GABRR3: variants seen among roughly 807,000 people sequenced by gnomAD.
GABRR3 encodes the protein gamma-aminobutyric acid receptor subunit rho-3.
Under a neutral mutation model 43.2 loss-of-function variants are expected in GABRR3, and 29 were observed. The observed-to-expected ratio is 0.67, with a 90% CI of 0.50 to 0.92. The LOEUF is 0.92. GABRR3 is among the 40% of genes least tolerant of loss of function. GABRR3 has a pLI of 0.00. For synonymous variants in GABRR3, 206 were observed against 195.9 expected, an observed-to-expected ratio of 1.05 and a Z score of -0.43; for missense variants, 576 against 572.3, an observed-to-expected ratio of 1.01 and a Z score of -0.07.
At chr3:98,008,017 G>A in intron 6 of GABRR3, 113 bp from the exon 7 acceptor site, 1 of 793,040 alleles carries the variant, frequency 1.3e-6, no homozygotes, top group Non-Finnish European at 1.9e-6. Context: ...CCAATGACAT[G>A]TACATATTAG....
intron 9 of GABRR3, among the ~76,000 whole-genome samples, chr3:97,987,781 A>AT (rs1364323503): frequency 6.6e-6 from 1 of 151,910 alleles, no homozygotes; most frequent in Non-Finnish European, 1.5e-5. Flanking sequence ...ATTTATCATT[A>AT]TTTTTTATTT....
At chr3:98,034,203 T>C (rs968610471) in intron 2 of GABRR3, among the ~76,000 whole-genome samples, 1 of 152,138 alleles carries the variant, frequency 6.6e-6, no homozygotes, top group African/African-American at 2.4e-5. Flanking sequence ...CCAGTATGCC[T>C]GGGGCTGAAG....
intron 7 of GABRR3, among the ~76,000 whole-genome samples, chr3:98,005,624 A>G (rs1294024412): frequency 6.6e-6 from 1 of 152,178 alleles, no homozygotes; most frequent in African/African-American, 2.4e-5. Flanking sequence ...CTAGTGTTGT[A>G]GCTGCCTGGT....
At chr3:97,990,466 A>G (rs995962000) in intron 9 of GABRR3, among the ~76,000 whole-genome samples, 4 of 151,756 alleles carry the variant, frequency 2.6e-5, no homozygotes, top group Non-Finnish European at 1.5e-5. Flanking sequence ...CTCCTGCTTG[A>G]GCCTCCTGAG....
At chr3:98,031,042 G>T (rs748187041) in intron 2 of GABRR3, among the ~76,000 whole-genome samples, 3 of 152,138 alleles carry the variant, frequency 2.0e-5, no homozygotes, top group Non-Finnish European at 2.9e-5. Flanking sequence ...TAGAGAAAAC[G>T]TGGTACATCA....
rs776966566 is a variant in GABRR3, at chr3:98,012,573, C to A, written c.307-6G>T. 5.0e-6 allele frequency: 8 copies of A among 1,594,588 alleles called. No homozygotes were observed. The highest frequency in any genetic ancestry group is 1.7e-5 in the Admixed American group (1 of 57,344). ...TAAAAAGTCATTGTAAAGTCCTAGA[C>A]AGAGAGAAAAAGAGACCAAAAAAAC... On this transcript the variant is annotated splice_polypyrimidine_tract_variant and splice_region_variant and intron_variant, in intron 4 of 9. Transcript: ENST00000621172.
At chr3:98,018,747 G>A (rs1423960045) in intron 3 of GABRR3, among the ~76,000 whole-genome samples, 6 of 152,228 alleles carry the variant, frequency 3.9e-5, no homozygotes, top group Admixed American at 3.3e-4. Context: ...TTTAAAAAAT[G>A]TTTTCAATTA....
intron 2 of GABRR3, among the ~76,000 whole-genome samples, chr3:98,033,377 C>A (rs573429022): frequency 6.6e-6 from 1 of 152,196 alleles, no homozygotes; most frequent in South Asian, 2.1e-4. Context: ...TCTTCTTTTC[C>A]TTTACATAGG....
At chr3:98,014,187 T>C (rs1443220643) in intron 4 of GABRR3, among the ~76,000 whole-genome samples, 1 of 152,204 alleles carries the variant, frequency 6.6e-6, no homozygotes, top group Non-Finnish European at 1.5e-5. Context: ...CTAGCACAGC[T>C]AACCTTATTC....
chr3:98,010,612 G>A (rs1706777569), intron 5 of GABRR3, among the ~76,000 whole-genome samples: 1 of 152,226 alleles, frequency 6.6e-6, no homozygotes, highest in Non-Finnish European at 1.5e-5. Flanking sequence ...CCCTGCAAGA[G>A]CCTGGCTAGG....
chr3:98,001,315 G>GAGAT (rs1706637300), intron 8 of GABRR3: 2 of 313,816 alleles, frequency 6.4e-6, no homozygotes, highest in African/African-American at 4.2e-5. Flanking sequence ...AAAAAGAAAA[G>GAGAT]AGATAAGCTT....
chr3:98,001,866 G>A, intron 7 of GABRR3, 99 bp from the exon 8 acceptor site: 1 of 1,330,680 alleles, frequency 7.5e-7, no homozygotes, highest in Non-Finnish European at 1.0e-6. Flanking sequence ...AGCTCTTGGG[G>A]ACACGGAATT....
chr3:98,001,302 T>G, intron 8 of GABRR3: 1 of 279,130 alleles, frequency 3.6e-6, no homozygotes, highest in South Asian at 7.4e-5. Flanking sequence ...GGAGGTTTTC[T>G]TAAAAAAGAA....
chr3:98,030,423 A>G (rs564528056), intron 2 of GABRR3, among the ~76,000 whole-genome samples: 2 of 152,222 alleles, frequency 1.3e-5, no homozygotes, highest in Non-Finnish European at 2.9e-5. Flanking sequence ...TATGGTGTCT[A>G]TGAAGCAATG....
At chr3:97,986,223 T>C (rs1706385215), downstream of GABRR3, among the ~76,000 whole-genome samples, 1 of 152,198 alleles carries the variant, frequency 6.6e-6, no homozygotes. Flanking sequence ...TGGAGATCCT[T>C]CATAGGATTC....
chr3:98,010,774 T>C (rs1706779597), intron 5 of GABRR3, among the ~76,000 whole-genome samples: 1 of 152,164 alleles, frequency 6.6e-6, no homozygotes, highest in Non-Finnish European at 1.5e-5. Context: ...TTGACTCCAG[T>C]ATGTATGAGT....
intron 8 of GABRR3, 75 bp from the exon 9 acceptor site, chr3:97,993,123 G>T: frequency 8.4e-7 from 1 of 1,196,306 alleles, no homozygotes; most frequent in Non-Finnish European, 1.2e-6. Context: ...ATCACACCAG[G>T]GGATGCATTT....
chr3:98,029,335 C>G (rs1010737857), intron 2 of GABRR3, among the ~76,000 whole-genome samples: 4 of 152,136 alleles, frequency 2.6e-5, no homozygotes, highest in Non-Finnish European at 5.9e-5. Context: ...GTGTCAGAAA[C>G]TCTACTGTAA....
intron 2 of GABRR3, among the ~76,000 whole-genome samples, chr3:98,026,499 G>A (rs1205273882): frequency 6.6e-6 from 1 of 152,148 alleles, no homozygotes; most frequent in Non-Finnish European, 1.5e-5. Flanking sequence ...TACTGTGGGT[G>A]TGGAGGGGAA....
Sources: allele counts gnomAD v4.1 joint callset (sites outside exome capture counted in the v4.1 genomes callset), GRCh38; gene constraint gnomAD v4.1.1; transcripts MANE v1.5; gene names NCBI Gene and HGNC (gene_info 2026-07-23, HGNC 2026-07-21).